Variants in GRAP2 observed in about 807,000 individuals in gnomAD.
The protein encoded by GRAP2 is GRB2-related adapter protein 2.
In GRAP2, 31 loss-of-function variants were observed where a neutral mutation model predicts 43.5. The observed-to-expected ratio is 0.71, with a 90% CI of 0.54 to 0.96. GRAP2 has a LOEUF of 0.96. Ranked by LOEUF, GRAP2 falls within the 40% of genes least tolerant of loss-of-function variation. The probability of loss-of-function intolerance (pLI) is 0.00; values close to 1 mark genes in which losing one functional copy is unlikely to be tolerated. For missense variants in GRAP2, 371 were observed against 424.4 expected (o/e 0.87, Z 1.11); for synonymous variants, 156 against 164.8 (o/e 0.95, Z 0.41).
Position 39,973,400 on chromosome 22 carries a change from A to G in GRAP2, c.*2316A>G, listed in dbSNP as rs970868951. 3 of 152,180 alleles carry G rather than the reference A, an allele frequency of 2.0e-5. No homozygotes were observed. The highest frequency in any genetic ancestry group is 7.2e-5 in the African/African-American group (3 of 41,456). The allele number at this position is 152,180 out of a possible 1,614,324, so 9.4% of individuals were successfully genotyped here. A position where few individuals can be genotyped will look rare whatever the true frequency, so the allele number is the denominator to read the frequency against. On this transcript the variant is annotated 3_prime_UTR_variant, in exon 8 of 8. Transcript: ENST00000344138. ...TCAGGTAGAGAGTGAGAACGAGACC[A>G]GGGGGTGACAGGGGTCATCGGCCTG...
intron 3 of GRAP2, among the ~76,000 whole-genome samples, 179 bp from the exon 4 acceptor site, chr22:39,959,876 C>G (rs1200322198): frequency 1.3e-5 from 2 of 152,198 alleles, no homozygotes; most frequent in Non-Finnish European, 2.9e-5. Context: ...AATGCTCCCT[C>G]GCCTTTCCTG....
At chr22:39,926,082 C>A (rs1241686993) in intron 1 of GRAP2, among the ~76,000 whole-genome samples, 2 of 152,152 alleles carry the variant, frequency 1.3e-5, no homozygotes, top group Non-Finnish European at 2.9e-5. Flanking sequence ...CTGTGAGCTC[C>A]CTGAGGAAAG....
At chr22:39,926,388 A>G (rs2066698426) in intron 1 of GRAP2, among the ~76,000 whole-genome samples, 1 of 151,998 alleles carries the variant, frequency 6.6e-6, no homozygotes, top group Admixed American at 6.6e-5. Flanking sequence ...CAAATACCAG[A>G]GCTAGCAAAT....
At chr22:39,906,112 C>G (rs1331420830) in intron 1 of GRAP2, among the ~76,000 whole-genome samples, 1 of 152,112 alleles carries the variant, frequency 6.6e-6, no homozygotes, top group Non-Finnish European at 1.5e-5. Context: ...AGGAACAATA[C>G]AAGCGGGGAG....
rs1225259715 is a variant in GRAP2, at chr22:39,973,183, A to G, written c.*2099A>G. On this transcript the variant is annotated 3_prime_UTR_variant, in exon 8 of 8. Transcript: ENST00000344138. ...TTTGATTTTACAGTATTTACAAACC[A>G]TATGCTTTAAACAGCCCACAAACTC... 1.3e-5 allele frequency: 2 copies of G among 152,292 alleles called. No individual in the cohort carries two copies. The highest frequency in any genetic ancestry group is 2.9e-5 in the Non-Finnish European group (2 of 68,052). The allele number at this position is 152,292 out of a possible 1,614,324, so 9.4% of individuals were successfully genotyped here.
chr22:39,914,730 C>T (rs2066590810), intron 1 of GRAP2, among the ~76,000 whole-genome samples: 2 of 152,186 alleles, frequency 1.3e-5, no homozygotes, highest in Admixed American at 1.3e-4. Flanking sequence ...AAAGTAGTCG[C>T]AAAAGTGCAC....
chr22:39,920,997 T>G (rs1337639860), intron 1 of GRAP2, among the ~76,000 whole-genome samples: 7 of 149,826 alleles, frequency 4.7e-5, no homozygotes. Context: ...CACAATCTGA[T>G]GTAACGACCT....
intron 2 of GRAP2, among the ~76,000 whole-genome samples, chr22:39,952,466 G>A (rs957108646): frequency 6.6e-6 from 1 of 152,136 alleles, no homozygotes; most frequent in African/African-American, 2.4e-5. Context: ...GAATTCAGAA[G>A]CGATGGATGG....
intron 1 of GRAP2, among the ~76,000 whole-genome samples, chr22:39,932,246 A>G (rs1352608851): frequency 6.6e-6 from 1 of 152,224 alleles, no homozygotes; most frequent in African/African-American, 2.4e-5. Context: ...GATTTGGGAT[A>G]TACATATACT....
intron 1 of GRAP2, among the ~76,000 whole-genome samples, chr22:39,928,267 T>C (rs1015336085): frequency 6.6e-6 from 1 of 152,230 alleles, no homozygotes; most frequent in African/African-American, 2.4e-5. Context: ...TCATTCCATG[T>C]TTACCCATTA....
chr22:39,955,469 A>G (rs761083476), intron 2 of GRAP2, among the ~76,000 whole-genome samples: 7 of 152,260 alleles, frequency 4.6e-5, no homozygotes, highest in Non-Finnish European at 1.0e-4. Context: ...ATCTGCTGAG[A>G]TGAGGAACTT....
chr22:39,968,220 A>T lies in GRAP2; in HGVS notation c.638A>T (p.Gln213Leu). The T allele has an allele frequency of 6.2e-7, 1 of 1,601,460 alleles. No individual in the cohort carries two copies. The highest frequency in any genetic ancestry group is 8.6e-7 in the Non-Finnish European group (1 of 1,168,684). ...CCGCAATATGCCCCAGCGCCCCAGC[A>T]GCTGCAGCAGCCCCCACAGCAGCGA... ...QPPQYAPAPQ[Q>L]LQQPPQQRYL... Residue 213 changes from glutamine (Q) to leucine (L), a missense_variant, in exon 6 of 8, where the codon CAG becomes CTG. Transcript: ENST00000344138.
chr22:39,906,783 G>A (rs1000459386), intron 1 of GRAP2, among the ~76,000 whole-genome samples: 4 of 152,092 alleles, frequency 2.6e-5, no homozygotes, highest in Admixed American at 6.5e-5. Flanking sequence ...AGTGCTTTAT[G>A]GGAAAATATT....
In GRAP2 at chr22:39,966,072, C is replaced by G. The variant is rs2067169862; in HGVS notation, c.373C>G (p.Leu125Val). 1 of 1,613,444 alleles carries G rather than the reference C, an allele frequency of 6.2e-7. No individual in the cohort carries two copies. ...YFLWTEKFPS[L>V]NKLVDYYRTN... ...TCTGTGGACTGAGAAGTTTCCATCC[C>G]TAAATAAGCTGGTAGACTACTACAG... is the stretch of plus-strand genomic sequence containing the variant. Residue 125 changes from leucine (L) to valine (V), a missense_variant, in exon 5 of 8, where the codon CTA (leucine) becomes GTA (valine). Physicochemically the swap from Leu to Val is conservative, Grantham distance 32 (BLOSUM62 1). Coordinates refer to ENST00000344138, the MANE Select transcript of GRAP2 (RefSeq NM_004810.4).
At chr22:39,943,536 A>G (rs1048037723) in intron 1 of GRAP2, among the ~76,000 whole-genome samples, 3 of 151,808 alleles carry the variant, frequency 2.0e-5, no homozygotes, top group African/African-American at 7.3e-5. Flanking sequence ...ATCACCATCT[A>G]TCAGGTTGGC....
chr22:39,966,996 TCA>T (rs10552410), intron 5 of GRAP2, among the ~76,000 whole-genome samples: 103,110 of 150,750 alleles, frequency 0.68, 36,162 homozygotes, highest in African/African-American at 0.86. Flanking sequence ...ATGCACACAC[TCA>T]CACACACACA....
intron 1 of GRAP2, among the ~76,000 whole-genome samples, chr22:39,928,489 C>T (rs1333460613): frequency 6.6e-6 from 1 of 152,098 alleles, no homozygotes; most frequent in Non-Finnish European, 1.5e-5. Context: ...GGAACGTGCC[C>T]AACTTATTTG....
intron 1 of GRAP2, among the ~76,000 whole-genome samples, chr22:39,923,630 A>G (rs1193517099): frequency 6.6e-6 from 1 of 152,182 alleles, no homozygotes; most frequent in Non-Finnish European, 1.5e-5. Flanking sequence ...TATCGAGTAA[A>G]TGATTGAATT....
intron 1 of GRAP2, among the ~76,000 whole-genome samples, chr22:39,926,044 A>G (rs966935498): frequency 3.3e-5 from 5 of 152,246 alleles, no homozygotes; most frequent in Admixed American, 2.0e-4. Context: ...GCAATTGTCT[A>G]TTTATATGTC....
Sources: gnomAD v4.1 joint callset for allele counts (sites outside exome capture counted in the v4.1 genomes callset) on GRCh38, gnomAD v4.1.1 for gene constraint, MANE v1.5 for transcripts, NCBI Gene and HGNC (gene_info 2026-07-23, HGNC 2026-07-21) for gene names.